MMEL1: variants seen among roughly 807,000 people sequenced by gnomAD.
MMEL1 encodes membrane metallo-endopeptidase-like 1.
MMEL1 carries 98 observed loss-of-function variants against 117.1 expected under a neutral mutation model. The ratio of observed to expected loss-of-function variants is 0.84; its 90% CI spans 0.71 to 0.99. The LOEUF is 0.99. Among genes scored for constraint, MMEL1 ranks in the 50% least tolerant of loss-of-function variants. The probability of loss-of-function intolerance (pLI) is 0.00; values close to 1 mark genes in which losing one functional copy is unlikely to be tolerated. For synonymous variants in MMEL1, 390 were observed against 415.1 expected (o/e 0.94, Z 0.74); for missense variants, 1,014 against 1,049.1 (o/e 0.97, Z 0.46).
At chr1:2,623,707 C>T (rs759934827) in intron 2 of MMEL1, among the ~76,000 whole-genome samples, 3 of 152,166 alleles carry the variant, frequency 2.0e-5, no homozygotes, top group African/African-American at 4.8e-5. Flanking sequence ...TCCCAGATGC[C>T]GATGAGAAAG....
rs1398000161 is a variant in MMEL1 at position 2,595,078 on chromosome 1, T to C, written c.1585-185A>G. ...GGGCATTTACATGACTCTGAGCAAGTCCCTCGTCCCTCCAGGCCTCAGTTT... is the reference window on the plus strand; with the variant it reads ...GGGCATTTACATGACTCTGAGCAAGCCCCTCGTCCCTCCAGGCCTCAGTTT... On this transcript the variant is annotated intron_variant, in intron 16 of 23. Coordinates refer to ENST00000378412, the MANE Select transcript of MMEL1 (RefSeq NM_033467.4). The surrounding 1 kb of genome is among the most constrained non-coding windows in gnomAD (Gnocchi z 4.8). Among the ~76,000 whole-genome samples the C allele has an allele frequency of 6.6e-6, 1 of 151,916 alleles. No homozygotes were observed. Among genetic ancestry groups the C allele is most frequent in the African/African-American group, 2.4e-5 (1 of 41,342 alleles).
intron 1 of MMEL1, among the ~76,000 whole-genome samples, chr1:2,631,085 CTGTG>C (rs138800606): frequency 2.6e-5 from 4 of 152,276 alleles, no homozygotes; most frequent in South Asian, 2.1e-4. Context: ...CTGTGCATGT[CTGTG>C]TGTGTGTGCA....
Position 2,604,023 on chromosome 1 carries a change from G to A in MMEL1, c.952-50C>T, listed in dbSNP as rs745313125. 3.7e-6 allele frequency: 6 copies of A among 1,602,816 alleles called. No homozygotes were observed. The Admixed American group carries it at 6.8e-5, about 18-fold the overall frequency. On this transcript the variant is annotated intron_variant, in intron 10 of 23. Coordinates refer to ENST00000378412, the MANE Select transcript of MMEL1 (RefSeq NM_033467.4). ...GGGCGGGTGGCCAGGATGCCCCCTG[G>A]GGCTCCTGGCCCAGTCCCTGCCTGC... is the stretch of plus-strand genomic sequence containing the variant.
Position 2,608,406 on chromosome 1 carries a change from A to G in MMEL1, c.535+933T>C, listed in dbSNP as rs1376824005. ...TCCTTTAATAGGAACTGAAACATGG[A>G]TAATCTGCCCCCCACACCACACACA... On this transcript the variant is annotated intron_variant, in intron 6 of 23. Transcript: ENST00000378412. 2.0e-5 allele frequency among the ~76,000 whole-genome samples: 3 copies of G among 152,100 alleles called. No individual in the cohort carries two copies. In the East Asian group the frequency reaches 5.8e-4, roughly 29 times the overall value.
chr1:2,625,664 G>A (rs1218851695), intron 2 of MMEL1, among the ~76,000 whole-genome samples: 2 of 152,140 alleles, frequency 1.3e-5, no homozygotes, highest in Non-Finnish European at 2.9e-5. Flanking sequence ...GTTTGACTAC[G>A]GATCACCAAG....
At chr1:2,630,855 C>T (rs944189094) in intron 1 of MMEL1, among the ~76,000 whole-genome samples, 1 of 142,730 alleles carries the variant, frequency 7.0e-6, no homozygotes, top group African/African-American at 2.7e-5. Flanking sequence ...CACCTGTGTG[C>T]GTGTACTCTC....
intron 11 of MMEL1, among the ~76,000 whole-genome samples, chr1:2,599,596 G>T (rs1406430008): frequency 2.0e-5 from 3 of 152,194 alleles, no homozygotes. Flanking sequence ...AGTGGCTCAC[G>T]CCTGTAATCC....
intron 9 of MMEL1, among the ~76,000 whole-genome samples, chr1:2,605,046 C>T (rs137885823): frequency 6.6e-6 from 1 of 152,188 alleles, no homozygotes; most frequent in Non-Finnish European, 1.5e-5. Context: ...CACCTCTGCC[C>T]TGGTGCTGGA....
intron 22 of MMEL1, 39 bp from the exon 23 acceptor site, chr1:2,591,672 TGGGGTGGCCAGGA>T: frequency 1.7e-5 from 8 of 476,700 alleles, no homozygotes; most frequent in African/African-American, 3.7e-5. Context: ...GGTGGCGTGG[TGGGGTGGCCAGGA>T]GGGGTGGGGG....
chr1:2,605,648 T>A, intron 8 of MMEL1, 25 bp from the exon 9 acceptor site: 1 of 1,599,444 alleles, frequency 6.3e-7, no homozygotes, highest in Non-Finnish European at 8.6e-7. Context: ...GGTGTGACCC[T>A]GGGCAAGGGG....
chr1:2,615,626 A>G (rs1037876200), intron 2 of MMEL1, among the ~76,000 whole-genome samples: 1 of 152,206 alleles, frequency 6.6e-6, no homozygotes, highest in African/African-American at 2.4e-5. Flanking sequence ...TATTATCACT[A>G]TTGGTTCACT....
chr1:2,591,033 C>G lies in MMEL1; in HGVS notation c.2297G>C (p.Arg766Pro). The G allele has an allele frequency of 2.5e-6, 4 of 1,606,118 alleles. No individual in the cohort carries two copies. Among genetic ancestry groups the G allele is most frequent in the Non-Finnish European group, 3.4e-6 (4 of 1,177,196 alleles). The change falls in exon 24 of 24, where the codon CGG becomes CCG. Residue 766 changes from arginine to proline, a missense_variant. Transcript: ENST00000378412. ...AAFADTFHCA[R>P]GTPMHPKERC... ...CTCCTTGGGGTGCATGGGGGTGCCC[C>G]GGGCACAGTGGAACGTGTCTGCGAA...
In MMEL1 at chr1:2,590,934, A is replaced by G. The variant is rs1371485194; in HGVS notation, c.*56T>C. The G allele has an allele frequency of 2.9e-6, 4 of 1,357,754 alleles. No homozygotes were observed. In the South Asian group the frequency reaches 5.0e-5, roughly 17 times the overall value. 84.1% of individuals were successfully genotyped at this position (1,357,754 alleles called of 1,614,324 possible). The stretch of plus-strand genomic sequence containing the variant: ...GGGTCGCCGCTAGCTGCACCTTCGC[A>G]CAGATGCCTCCGAGCAGCGGGTGGG... On this transcript the variant is annotated 3_prime_UTR_variant, in exon 24 of 24. Transcript: ENST00000378412.
At position 2,598,328 on chromosome 1, in the gene MMEL1, G is replaced by A. The variant is rs755908224; in HGVS notation, c.1179-28C>T. The A allele has an allele frequency of 1.1e-5, 18 of 1,603,232 alleles. No homozygotes were observed. In the East Asian group the frequency reaches 2.0e-4, roughly 18 times the overall value. On this transcript the variant is annotated intron_variant, in intron 12 of 23. Transcript: ENST00000378412. ...GGGGGCAGAAGGTAGAGGGTGAGGG[G>A]AGAACAGGTGAGAGGTCTTTGCAAG...
In MMEL1 at chr1:2,605,554, C is replaced by G. The variant is rs371176486; in HGVS notation, c.816+4G>C. ...ATCTGGCATTGCGGTGAGGACCCACCCACCTTCCGGTTGCTGCCGCCGTTG... is the reference window on the plus strand; with the variant it reads ...ATCTGGCATTGCGGTGAGGACCCACGCACCTTCCGGTTGCTGCCGCCGTTG... On this transcript the variant is annotated splice_donor_region_variant and intron_variant, in intron 9 of 23. Coordinates refer to ENST00000378412, the MANE Select transcript of MMEL1 (RefSeq NM_033467.4). 2 of 1,611,572 alleles carry G rather than the reference C, an allele frequency of 1.2e-6. No individual in the cohort carries two copies. Among genetic ancestry groups the G allele is most frequent in the Non-Finnish European group, 1.7e-6 (2 of 1,178,690 alleles).
chr1:2,629,417 C>G lies in MMEL1; in HGVS notation c.68G>C (p.Gly23Ala), dbSNP rs1468359893. Residue 23 changes from glycine (G) to alanine (A), a missense_variant, in exon 2 of 24, where the codon GGG (glycine) becomes GCG (alanine). Physicochemically the swap from Gly to Ala is moderately conservative, Grantham distance 60 (BLOSUM62 0). Coordinates refer to ENST00000378412, the MANE Select transcript of MMEL1 (RefSeq NM_033467.4). ...CAGCAGCAGCCCCCCCTCCAGGAAC[C>G]CCGGGCGCTTCTGCCCTGCACGGCC... ...SAGRAGQKRP[G>A]FLEGGLLLLL... 2 of 1,546,006 alleles carry G rather than the reference C, an allele frequency of 1.3e-6. No individual in the cohort carries two copies. Among genetic ancestry groups the G allele is most frequent in the East Asian group, 2.5e-5 (1 of 40,792 alleles).
At chr1:2,629,007 G>GC (rs959355901) in intron 2 of MMEL1, among the ~76,000 whole-genome samples, 1 of 151,860 alleles carries the variant, frequency 6.6e-6, no homozygotes, top group Non-Finnish European at 1.5e-5. Flanking sequence ...ACGGGTCTGC[G>GC]CCCCCCACCC....
In MMEL1 at chr1:2,629,336, C is replaced by T. The variant is rs927596248; in HGVS notation, c.149G>A (p.Arg50His). Residue 50 changes from arginine (R) to histidine (H), a missense_variant, in exon 2 of 24, where the codon CGC becomes CAC. Coordinates refer to ENST00000378412, the MANE Select transcript of MMEL1 (RefSeq NM_033467.4). ...LVALGVLYAD[R>H]RGKQLPRLAS... ...GGCGGGGCACCCGCACTCACCTCTG[C>T]GGTCGGCGTAGAGGACACCCAAGGC... is the stretch of plus-strand genomic sequence containing the variant. 9.1e-6 allele frequency: 14 copies of T among 1,537,028 alleles called. No homozygotes were observed. The highest frequency in any genetic ancestry group is 3.9e-5 in the Admixed American group (2 of 50,704).
Position 2,595,719 on chromosome 1 carries a change from C to A in MMEL1, c.1500+290G>T, listed in dbSNP as rs1353224162. ...CCCTTGCTCCCGAGGCCACCGCTAC[C>A]CCCGCTGGCTCATGGGGGGTGCTGG... is the stretch of plus-strand genomic sequence containing the variant. On this transcript the variant is annotated intron_variant, in intron 15 of 23. Coordinates refer to ENST00000378412, the MANE Select transcript of MMEL1 (RefSeq NM_033467.4). The surrounding 1 kb of genome is among the most constrained non-coding windows in gnomAD (Gnocchi z 4.8). Among the ~76,000 whole-genome samples, 3 of 152,140 alleles carry A rather than the reference C, an allele frequency of 2.0e-5. No homozygotes were observed. Among genetic ancestry groups the A allele is most frequent in the African/African-American group, 7.2e-5 (3 of 41,434 alleles).
Sources: gnomAD v4.1 joint callset for allele counts (sites outside exome capture counted in the v4.1 genomes callset) on GRCh38, gnomAD v4.1.1 for gene constraint, Gnocchi (gnomAD v3.1) non-coding constraint, MANE v1.5 for transcripts, NCBI Gene and HGNC (gene_info 2026-07-23, HGNC 2026-07-21) for gene names.